Variants in SOX5 observed in about 807,000 individuals in gnomAD.
The protein encoded by SOX5 is transcription factor SOX-5.
Under a neutral mutation model 92.0 loss-of-function variants are expected in SOX5, and 9 were observed. The ratio of observed to expected loss-of-function variants is 0.10; its 90% CI spans 0.06 to 0.17. The LOEUF is 0.17. Ranked by LOEUF, SOX5 falls within the 10% of genes least tolerant of loss-of-function variation. SOX5 has a pLI of 1.00. For missense variants in SOX5, 642 were observed against 944.5 expected, an observed-to-expected ratio of 0.68 and a Z score of 4.20; for synonymous variants, 344 against 336.3, an observed-to-expected ratio of 1.02 and a Z score of -0.25.
intron 2 of SOX5, among the ~76,000 whole-genome samples, chr12:24,298,985 A>C (rs539140968): frequency 6.6e-6 from 1 of 152,240 alleles, no homozygotes; most frequent in Non-Finnish European, 1.5e-5. Flanking sequence ...GTTATTTCAC[A>C]ATGAAAGTTT....
intron 9 of SOX5, among the ~76,000 whole-genome samples, chr12:23,595,393 C>T (rs1450083117): frequency 6.6e-6 from 1 of 151,862 alleles, no homozygotes; most frequent in East Asian, 1.9e-4. Context: ...GAGGCCGAGG[C>T]CGGCGGATCA....
chr12:23,974,060 T>C (rs1164608674), intron 4 of SOX5, among the ~76,000 whole-genome samples: 1 of 152,132 alleles, frequency 6.6e-6, no homozygotes, highest in East Asian at 1.9e-4. Flanking sequence ...TATGATAAAG[T>C]TAAATTTATA....
intron 2 of SOX5, chr12:24,368,079 T>G (rs539349690): frequency 5.9e-4 from 90 of 152,278 alleles, no homozygotes; most frequent in African/African-American, 2.1e-3. Context: ...GAAAGATACA[T>G]TTTATCCCAA....
At chr12:23,598,834 T>A (rs545037310) in intron 9 of SOX5, among the ~76,000 whole-genome samples, 1 of 152,190 alleles carries the variant, frequency 6.6e-6, no homozygotes, top group Non-Finnish European at 1.5e-5. Flanking sequence ...TTTTCCCCAC[T>A]TGGCATTATA....
At chr12:23,910,941 C>A (rs1046992203) in intron 1 of SOX5, among the ~76,000 whole-genome samples, 4 of 152,110 alleles carry the variant, frequency 2.6e-5, no homozygotes, top group Non-Finnish European at 5.9e-5. Flanking sequence ...GGTTTAGCTA[C>A]AATAGCAACA....
chr12:24,422,669 T>C (rs1014193159), intron 1 of SOX5, among the ~76,000 whole-genome samples: 1 of 152,236 alleles, frequency 6.6e-6, no homozygotes. Context: ...CATATATTGA[T>C]TGCTTGAGGC....
intron 1 of SOX5, among the ~76,000 whole-genome samples, chr12:23,925,603 TTG>T (rs1327054511): frequency 6.6e-6 from 1 of 152,020 alleles, no homozygotes; most frequent in African/African-American, 2.4e-5. Flanking sequence ...TATTACAGGG[TTG>T]TTTTAAAATT....
rs540298894 is a variant in SOX5, at chr12:24,181,552, G to A, written c.-2+31791C>T. Among the ~76,000 whole-genome samples, 6 of 152,152 alleles carry A rather than the reference G, an allele frequency of 3.9e-5. No homozygotes were observed. In the South Asian group the frequency reaches 8.3e-4, roughly 21 times the overall value. Reference sequence around the variant, plus strand: ...TCTGAGCAAGTTATTTGGACTTCTTGGGTCTCAATTTCCTCCTATGTATAT... The same window carrying A: ...TCTGAGCAAGTTATTTGGACTTCTTAGGTCTCAATTTCCTCCTATGTATAT... On this transcript the variant is annotated intron_variant, in intron 4 of 4. Transcript: ENST00000446891.
intron 1 of SOX5, among the ~76,000 whole-genome samples, chr12:24,510,125 T>C (rs1163760776): frequency 6.6e-6 from 1 of 152,248 alleles, no homozygotes; most frequent in Non-Finnish European, 1.5e-5. Flanking sequence ...GAGTCATTTT[T>C]CTTAAATTAA....
At chr12:24,150,383 A>G (rs1218597173) in intron 4 of SOX5, among the ~76,000 whole-genome samples, 10 of 152,200 alleles carry the variant, frequency 6.6e-5, no homozygotes. Flanking sequence ...TGAGGAAAAT[A>G]TCATTAATTT....
rs1183590205 is a variant in SOX5, at chr12:23,577,199, T to A, written c.1165-1361A>T. Among the ~76,000 whole-genome samples the A allele has an allele frequency of 2.0e-3, 198 of 99,444 alleles. 3 individuals carry two copies. The highest frequency in any genetic ancestry group is 9.0e-3 in the East Asian group (32 of 3,552). 65.2% of individuals were successfully genotyped at this position (99,444 alleles called of 152,430 possible). ...CACATATATATATATATATTTTTTTTTTTTTTTTTTTTTGAGATGGAGTCT... is the reference window on the plus strand; with the variant it reads ...CACATATATATATATATATTTTTTTATTTTTTTTTTTTTGAGATGGAGTCT... On this transcript the variant is annotated intron_variant, in intron 9 of 14. Coordinates refer to ENST00000451604, the MANE Select transcript of SOX5 (RefSeq NM_006940.6).
chr12:24,148,490 AAAAAAAAAAAAAAAG>A lies in SOX5; in HGVS notation c.-2+64838_-2+64852del, dbSNP rs1219939976. The stretch of plus-strand genomic sequence containing the variant: ...AGCCTAGGCTCCATGTCAAAAAAAA[AAAAAAAAAAAAAAAG>A]AGAGAGAGAGAGAGACAAACAGATC... On this transcript the variant is annotated intron_variant, in intron 4 of 4. Coordinates refer to the SOX5 transcript ENST00000446891. Among the ~76,000 whole-genome samples, 6 of 139,522 alleles carry A rather than the reference AAAAAAAAAAAAAAAG, an allele frequency of 4.3e-5. 1 individual carries two copies. The highest frequency in any genetic ancestry group is 4.9e-4 in the South Asian group (2 of 4,100). The allele number at this position is 139,522 out of a possible 152,430, so 91.5% of individuals were successfully genotyped here.
chr12:23,959,784 C>A (rs772517581), intron 4 of SOX5, among the ~76,000 whole-genome samples: 61 of 152,082 alleles, frequency 4.0e-4, no homozygotes, highest in Non-Finnish European at 7.4e-4. Flanking sequence ...ATGAAAGATG[C>A]TCAACATCTT....
intron 1 of SOX5, among the ~76,000 whole-genome samples, chr12:23,898,414 T>C (rs2097198553): frequency 6.6e-6 from 1 of 152,192 alleles, no homozygotes; most frequent in South Asian, 2.1e-4. Context: ...AGCCAGTTTC[T>C]GAGTCATGAA....
rs1952921250 is a variant in SOX5 at position 24,344,188 on chromosome 12, C to T, written c.-174+24375G>A. Reference sequence around the variant, plus strand: ...ATCCCAGCTACTGGAGGAGCTGAGGCAGGCAAATCACTTGAACCAGGGAGT... The same window carrying T: ...ATCCCAGCTACTGGAGGAGCTGAGGTAGGCAAATCACTTGAACCAGGGAGT... On this transcript the variant is annotated intron_variant, in intron 2 of 4. Transcript: ENST00000446891. Among the ~76,000 whole-genome samples the T allele has an allele frequency of 2.7e-5, 4 of 147,404 alleles. No individual in the cohort carries two copies. In the South Asian group the frequency reaches 8.5e-4, roughly 31 times the overall value.
chr12:24,487,697 T>A (rs1249462340), intron 1 of SOX5, among the ~76,000 whole-genome samples: 1 of 152,210 alleles, frequency 6.6e-6, no homozygotes, highest in South Asian at 2.1e-4. Flanking sequence ...TTTGGAGATA[T>A]TTCTCCCAAG....
intron 1 of SOX5, among the ~76,000 whole-genome samples, chr12:23,902,889 T>C (rs1359471452): frequency 1.3e-5 from 2 of 152,210 alleles, no homozygotes; most frequent in Non-Finnish European, 2.9e-5. Flanking sequence ...TAGCACATAG[T>C]TGGCAATGTA....
intron 1 of SOX5, among the ~76,000 whole-genome samples, chr12:24,502,164 G>C (rs1948272366): frequency 6.6e-6 from 1 of 152,126 alleles, no homozygotes; most frequent in Non-Finnish European, 1.5e-5. Context: ...TGAATGCATG[G>C]GGCAAGACTT....
At chr12:24,440,558 C>T (rs1940332090) in intron 1 of SOX5, among the ~76,000 whole-genome samples, 1 of 151,704 alleles carries the variant, frequency 6.6e-6, no homozygotes, top group Non-Finnish European at 1.5e-5. Flanking sequence ...ACCATGCTCC[C>T]TGAGTGGTTG....
Sources: gnomAD v4.1 joint callset for allele counts (sites outside exome capture counted in the v4.1 genomes callset) on GRCh38, gnomAD v4.1.1 for gene constraint, MANE v1.5 for transcripts, NCBI Gene and HGNC (gene_info 2026-07-23, HGNC 2026-07-21) for gene names.